RORB: variants seen among roughly 807,000 people sequenced by gnomAD.
RORB encodes nuclear receptor ROR-beta.
Under a neutral mutation model 59.1 loss-of-function variants are expected in RORB, and 6 were observed. That is an observed-to-expected ratio of 0.10 (90% CI 0.06 to 0.20). RORB has a LOEUF of 0.20. RORB is among the 10% of genes least tolerant of loss of function. The pLI, the probability that RORB is intolerant of heterozygous loss-of-function variation, is 1.00. For synonymous variants in RORB, 215 were observed against 204.5 expected (o/e 1.05, Z -0.44); for missense variants, 320 against 560.5 (o/e 0.57, Z 4.33).
chr9:74,545,277 G>C (rs1288319671), intron 1 of RORB, among the ~76,000 whole-genome samples: 1 of 152,028 alleles, frequency 6.6e-6, no homozygotes, highest in Non-Finnish European at 1.5e-5. Context: ...GTTTAACCCA[G>C]GGTTATTTCA....
At chr9:74,645,228 A>C (rs1222841701) in intron 4 of RORB, among the ~76,000 whole-genome samples, 2 of 152,144 alleles carry the variant, frequency 1.3e-5, no homozygotes, top group Non-Finnish European at 2.9e-5. Flanking sequence ...AGTGGACACA[A>C]ACCCATTCTA....
chr9:74,580,342 G>T (rs1207671977), intron 1 of RORB, among the ~76,000 whole-genome samples: 3 of 152,116 alleles, frequency 2.0e-5, no homozygotes, highest in Non-Finnish European at 4.4e-5. Flanking sequence ...TTTTTCTATG[G>T]TAATTTGCTA....
chr9:74,574,702 C>T (rs897246883), intron 1 of RORB, among the ~76,000 whole-genome samples: 1 of 152,066 alleles, frequency 6.6e-6, no homozygotes, highest in African/African-American at 2.4e-5. Context: ...CCATGTAACC[C>T]TGCAACCTGA....
chr9:74,691,243 G>A lies in RORB; in HGVS notation c.*5625G>A, dbSNP rs914472799. On this transcript the variant is annotated 3_prime_UTR_variant, in exon 10 of 10. Transcript: ENST00000376896. Reference sequence around the variant, plus strand: ...CTCATGGCCAAAAATAAAGCACAAGGGTTACCGGAATTGAATGAGCCCTGT... The same window carrying A: ...CTCATGGCCAAAAATAAAGCACAAGAGTTACCGGAATTGAATGAGCCCTGT... 9 of 152,204 alleles carry A rather than the reference G, an allele frequency of 5.9e-5. No homozygotes were observed. The highest frequency in any genetic ancestry group is 2.2e-4 in the African/African-American group (9 of 41,438). 9.4% of individuals were successfully genotyped at this position (152,204 alleles called of 1,614,324 possible).
intron 1 of RORB, among the ~76,000 whole-genome samples, chr9:74,557,346 G>C (rs1247485789): frequency 6.6e-6 from 1 of 152,182 alleles, no homozygotes; most frequent in African/African-American, 2.4e-5. Flanking sequence ...AACCCCAGTT[G>C]CTGCTGGCAA....
intron 1 of RORB, among the ~76,000 whole-genome samples, chr9:74,539,252 T>G (rs779977226): frequency 3.3e-5 from 5 of 152,160 alleles, no homozygotes; most frequent in Non-Finnish European, 7.4e-5. Flanking sequence ...TCAGAGATAA[T>G]GACATATATT....
At chr9:74,551,674 A>G (rs1333758543) in intron 1 of RORB, among the ~76,000 whole-genome samples, 1 of 152,242 alleles carries the variant, frequency 6.6e-6, no homozygotes, top group Non-Finnish European at 1.5e-5. Flanking sequence ...TATACAATAT[A>G]ATTAGAGACT....
At chr9:74,515,865 T>C (rs1305211778) in intron 1 of RORB, among the ~76,000 whole-genome samples, 2 of 152,072 alleles carry the variant, frequency 1.3e-5, no homozygotes, top group Non-Finnish European at 2.9e-5. Flanking sequence ...TTTCAAATTG[T>C]GTAGAATTTT....
chr9:74,662,747 C>T (rs1211062206), intron 6 of RORB, 141 bp downstream of exon 6: 1 of 819,262 alleles, frequency 1.2e-6, no homozygotes, highest in East Asian at 2.5e-5. Context: ...CCAAAGGAAA[C>T]TCTCAGTAAT....
chr9:74,620,026 G>A (rs1285264052), intron 1 of RORB, among the ~76,000 whole-genome samples: 2 of 152,188 alleles, frequency 1.3e-5, no homozygotes, highest in Non-Finnish European at 2.9e-5. Flanking sequence ...GTCTCTGCCA[G>A]GCTTTGGTAT....
chr9:74,537,308 G>A lies in RORB; in HGVS notation c.7+39325G>A, dbSNP rs1386079559. On this transcript the variant is annotated intron_variant, in intron 1 of 9. Coordinates refer to ENST00000376896, the MANE Select transcript of RORB (RefSeq NM_006914.4). ...AAACAGAGATGAACGAAGTAATAAC[G>A]TATTAAGCATCTGAAAGCAAAGACT... 6.6e-5 allele frequency among the ~76,000 whole-genome samples: 10 copies of A among 151,952 alleles called. No individual in the cohort carries two copies. The East Asian group carries it at 9.6e-4, about 15-fold the overall frequency.
chr9:74,616,021 T>TA (rs549508725), intron 1 of RORB, among the ~76,000 whole-genome samples: 14 of 152,066 alleles, frequency 9.2e-5, no homozygotes, highest in Admixed American at 9.2e-4. Flanking sequence ...TTTCTAAGTT[T>TA]AAAAAAAATC....
chr9:74,521,417 GC>G (rs1826083833), intron 1 of RORB, among the ~76,000 whole-genome samples: 1 of 151,748 alleles, frequency 6.6e-6, no homozygotes, highest in African/African-American at 2.4e-5. Flanking sequence ...AAATCAGGGG[GC>G]CATAATTTAC....
chr9:74,638,758 T>G (rs1823744824), intron 3 of RORB, among the ~76,000 whole-genome samples: 1 of 152,216 alleles, frequency 6.6e-6, no homozygotes, highest in Non-Finnish European at 1.5e-5. Context: ...TTTCCCAAAT[T>G]TGTCACCACT....
chr9:74,505,986 A>G (rs890409625), intron 1 of RORB, among the ~76,000 whole-genome samples: 1 of 151,732 alleles, frequency 6.6e-6, no homozygotes, highest in African/African-American at 2.4e-5. Context: ...AAAAAAAAAA[A>G]GTATCACCAA....
chr9:74,652,857 C>T (rs746433121), intron 4 of RORB, among the ~76,000 whole-genome samples: 7 of 152,136 alleles, frequency 4.6e-5, no homozygotes, highest in Non-Finnish European at 1.0e-4. Context: ...CTTAAAAAAA[C>T]TTGAGGAAAC....
chr9:74,619,913 C>G (rs2118382164), intron 1 of RORB, among the ~76,000 whole-genome samples: 1 of 152,248 alleles, frequency 6.6e-6, no homozygotes, highest in Non-Finnish European at 1.5e-5. Flanking sequence ...GGTGGATAAG[C>G]TTTTTGATGT....
At chr9:74,574,679 G>A (rs1410101915) in intron 1 of RORB, among the ~76,000 whole-genome samples, 1 of 152,068 alleles carries the variant, frequency 6.6e-6, no homozygotes, top group Non-Finnish European at 1.5e-5. Flanking sequence ...CCCGTAACTT[G>A]TAGGTAAATT....
At position 74,586,600 on chromosome 9, in the gene RORB, CGTGT is replaced by C. The variant is rs1313500289; in HGVS notation, c.8-43647_8-43644del. Among the ~76,000 whole-genome samples, 184 of 141,278 alleles carry C rather than the reference CGTGT, an allele frequency of 1.3e-3. 2 individuals are homozygous for C. Among genetic ancestry groups the C allele is most frequent in the African/African-American group, 3.9e-3 (146 of 37,712 alleles). 92.7% of individuals were successfully genotyped at this position (141,278 alleles called of 152,430 possible). On this transcript the variant is annotated intron_variant, in intron 1 of 9. Coordinates refer to ENST00000376896, the MANE Select transcript of RORB (RefSeq NM_006914.4). Reference sequence around the variant, plus strand: ...TGCAAATGAGTACATATGTAATGTCCGTGTGTGTGTGTGTGTGTGTGTGTGTGTG... The same window carrying C: ...TGCAAATGAGTACATATGTAATGTCCGTGTGTGTGTGTGTGTGTGTGTGTG...
Sources: gnomAD v4.1 joint callset for allele counts (sites outside exome capture counted in the v4.1 genomes callset) on GRCh38, gnomAD v4.1.1 for gene constraint, MANE v1.5 for transcripts, NCBI Gene and HGNC (gene_info 2026-07-23, HGNC 2026-07-21) for gene names.